Variants in TRIM2 observed in about 807,000 individuals in gnomAD.
TRIM2 encodes tripartite motif containing 2, also known as tripartite motif-containing protein 2.
A neutral mutation model predicts 75.2 loss-of-function variants in TRIM2; 20 were observed. The observed-to-expected ratio is 0.27, with a 90% CI of 0.19 to 0.39. The LOEUF (loss-of-function observed/expected upper bound fraction) is 0.39, where lower values mean the gene tolerates loss of function less well. TRIM2 is among the 10% of genes least tolerant of loss of function. TRIM2 has a pLI of 1.00. For synonymous variants in TRIM2, 373 were observed against 388.3 expected (o/e 0.96, Z 0.46); for missense variants, 660 against 990.8 (o/e 0.67, Z 4.48).
chr4:153,167,465 C>T (rs986309503), intron 1 of TRIM2, among the ~76,000 whole-genome samples: 4 of 152,142 alleles, frequency 2.6e-5, no homozygotes, highest in Non-Finnish European at 5.9e-5. Flanking sequence ...GGAAAGAAGT[C>T]CTGAATGAAA....
chr4:153,258,524 TG>T (rs1418922040), intron 1 of TRIM2, among the ~76,000 whole-genome samples: 1 of 152,138 alleles, frequency 6.6e-6, no homozygotes. Flanking sequence ...TTCCTTCTTT[TG>T]GGGGGATAGG....
intron 1 of TRIM2, chr4:153,157,280 A>C (rs1353234329): frequency 6.6e-6 from 1 of 152,192 alleles, no homozygotes; most frequent in African/African-American, 2.4e-5. Context: ...TTCCCCTCCA[A>C]AGGTCACAAA....
At chr4:153,249,226 GGCGC>G (rs1015831567) in intron 1 of TRIM2, among the ~76,000 whole-genome samples, 6 of 152,254 alleles carry the variant, frequency 3.9e-5, no homozygotes, top group African/African-American at 9.6e-5. Context: ...TCGGAATACC[GGCGC>G]GCAATCGCCA....
intron 1 of TRIM2, among the ~76,000 whole-genome samples, chr4:153,229,962 T>G (rs1743173160): frequency 1.3e-5 from 2 of 152,220 alleles, no homozygotes; most frequent in Admixed American, 1.3e-4. Context: ...GTCTTCAATC[T>G]TCCTTATTCA....
chr4:153,322,121 T>C (rs1340851350), intron 8 of TRIM2, among the ~76,000 whole-genome samples: 1 of 151,700 alleles, frequency 6.6e-6, no homozygotes, highest in African/African-American at 2.4e-5. Flanking sequence ...AGAATAAGGA[T>C]TTTAAGGGCT....
At chr4:153,239,684 C>T (rs1159901989) in intron 1 of TRIM2, among the ~76,000 whole-genome samples, 2 of 152,156 alleles carry the variant, frequency 1.3e-5, no homozygotes, top group African/African-American at 4.8e-5. Flanking sequence ...CTTCTTCTCT[C>T]TTGCCTTTCT....
intron 1 of TRIM2, among the ~76,000 whole-genome samples, chr4:153,230,009 G>A (rs554180943): frequency 4.6e-5 from 7 of 152,272 alleles, no homozygotes; most frequent in South Asian, 4.2e-4. Flanking sequence ...GATGGGGGCC[G>A]AGGGGGACAG....
intron 6 of TRIM2, among the ~76,000 whole-genome samples, chr4:153,299,037 C>A (rs1162422578): frequency 2.6e-5 from 4 of 152,150 alleles, no homozygotes; most frequent in Non-Finnish European, 5.9e-5. Flanking sequence ...CCATGCCTAG[C>A]CATAATATAT....
At chr4:153,176,180 A>G (rs1381606172) in intron 1 of TRIM2, among the ~76,000 whole-genome samples, 1 of 152,178 alleles carries the variant, frequency 6.6e-6, no homozygotes, top group Non-Finnish European at 1.5e-5. Context: ...ATGGCTAGGC[A>G]CAGTGGCTTC....
chr4:153,181,663 G>A (rs58411167), intron 1 of TRIM2, among the ~76,000 whole-genome samples: 316 of 152,282 alleles, frequency 2.1e-3, no homozygotes, highest in African/African-American at 7.2e-3. Context: ...CACAGGAGGT[G>A]GGATGTGGCA....
intron 6 of TRIM2, among the ~76,000 whole-genome samples, chr4:153,305,275 A>C (rs2150188342): frequency 6.6e-6 from 1 of 152,310 alleles, no homozygotes; most frequent in South Asian, 2.1e-4. Context: ...AAAGTTACAA[A>C]GTTTCCTTTG....
At chr4:153,253,638 G>A (rs904754392) in intron 1 of TRIM2, among the ~76,000 whole-genome samples, 4 of 152,246 alleles carry the variant, frequency 2.6e-5, no homozygotes, top group South Asian at 2.1e-4. Context: ...GAGATAGGAC[G>A]TCGGCACAAC....
At chr4:153,244,547 C>T (rs1444919770) in intron 1 of TRIM2, among the ~76,000 whole-genome samples, 2 of 149,886 alleles carry the variant, frequency 1.3e-5, no homozygotes, top group African/African-American at 4.9e-5. Context: ...TGGTGTGTAC[C>T]ACTGCACCTA....
intron 1 of TRIM2, among the ~76,000 whole-genome samples, chr4:153,262,739 T>A (rs1753885526): frequency 6.6e-6 from 1 of 152,188 alleles, no homozygotes; most frequent in Non-Finnish European, 1.5e-5. Flanking sequence ...GAAAGGGCTG[T>A]TATCATTCCT....
At chr4:153,235,273 C>T (rs976575836) in intron 1 of TRIM2, among the ~76,000 whole-genome samples, 2 of 150,502 alleles carry the variant, frequency 1.3e-5, no homozygotes, top group Non-Finnish European at 2.9e-5. Context: ...GTGCCTGCTT[C>T]ATAGAGTTAA....
chr4:153,204,638 G>C lies in TRIM2; in HGVS notation c.30+78G>C. On this transcript the variant is annotated intron_variant, in intron 1 of 11. Coordinates refer to ENST00000338700, the MANE Select transcript of TRIM2 (RefSeq NM_015271.5). ...TCCGGGGCTGGGAGAAACAAGTTGT[G>C]ATTGGGTTGCTACTTTTTCCTGGTT... is the stretch of plus-strand genomic sequence containing the variant. 2.0e-6 allele frequency: 3 copies of C among 1,524,310 alleles called. No homozygotes were observed. The South Asian group carries it at 3.6e-5, about 18-fold the overall frequency. 94.4% of individuals were successfully genotyped at this position (1,524,310 alleles called of 1,614,324 possible). A position where few individuals can be genotyped will look rare whatever the true frequency, so the allele number is the denominator to read the frequency against.
chr4:153,330,970 A>T (rs989632355), intron 11 of TRIM2, among the ~76,000 whole-genome samples: 1 of 152,214 alleles, frequency 6.6e-6, no homozygotes, highest in African/African-American at 2.4e-5. Flanking sequence ...GAATCTATAA[A>T]AACAGTTCCT....
chr4:153,190,361 CAGTA>C (rs1346247691), intron 1 of TRIM2, among the ~76,000 whole-genome samples: 1 of 152,216 alleles, frequency 6.6e-6, no homozygotes, highest in Non-Finnish European at 1.5e-5. Context: ...CCATTCATTA[CAGTA>C]AGTAACATTT....
Position 153,254,674 on chromosome 4 carries a change from A to G in TRIM2, c.31-15661A>G, listed in dbSNP as rs993956713. 2.6e-5 allele frequency among the ~76,000 whole-genome samples: 4 copies of G among 152,372 alleles called. No individual in the cohort carries two copies. In the South Asian group the frequency reaches 8.3e-4, roughly 32 times the overall value. On this transcript the variant is annotated intron_variant, in intron 1 of 11. Transcript: ENST00000338700. The stretch of plus-strand genomic sequence containing the variant: ...GTTACCCAAGCCCCAACTTATAAAC[A>G]GTTGGACTCATTTGCCAAGACATAT...
Sources: gnomAD v4.1 joint callset for allele counts (sites outside exome capture counted in the v4.1 genomes callset) on GRCh38, gnomAD v4.1.1 for gene constraint, MANE v1.5 for transcripts, NCBI Gene and HGNC (gene_info 2026-07-23, HGNC 2026-07-21) for gene names.